Variants in SV2C observed in about 807,000 individuals in gnomAD.
SV2C encodes the protein solute carrier family 22 member B3.
A neutral mutation model predicts 79.7 loss-of-function variants in SV2C; 49 were observed. The observed-to-expected ratio is 0.61, with a 90% CI of 0.49 to 0.78. The LOEUF (loss-of-function observed/expected upper bound fraction) is 0.78. SV2C is among the 30% of genes least tolerant of loss of function. The pLI is 0.00. For synonymous variants in SV2C, 334 were observed against 333.2 expected, an observed-to-expected ratio of 1.00 and a Z score of -0.03; for missense variants, 833 against 912.9, an observed-to-expected ratio of 0.91 and a Z score of 1.13.
At chr5:76,281,355 T>C (rs1747188371) in intron 4 of SV2C, 1 of 342,858 alleles carries the variant, frequency 2.9e-6, no homozygotes, top group South Asian at 2.6e-5. Flanking sequence ...ACTTTGTTTA[T>C]TGTCTATATG....
At chr5:76,227,830 G>A (rs981861171) in intron 4 of SV2C, among the ~76,000 whole-genome samples, 1 of 152,188 alleles carries the variant, frequency 6.6e-6, no homozygotes, top group African/African-American at 2.4e-5. Flanking sequence ...TTTCCAGAAT[G>A]GGTTACCACG....
At chr5:76,038,883 C>G in the SV2C span, among the ~76,000 whole-genome samples, 1 of 152,218 alleles carries the variant, frequency 6.6e-6, no homozygotes, top group East Asian at 1.9e-4. Context: ...CAATATGCAC[C>G]TTTACTTTGT....
At chr5:76,256,510 A>G (rs1746270830) in intron 4 of SV2C, among the ~76,000 whole-genome samples, 1 of 152,206 alleles carries the variant, frequency 6.6e-6, no homozygotes, top group Admixed American at 6.5e-5. Context: ...AGAACACCCT[A>G]GAATGAAGCA....
chr5:76,261,164 T>C lies in SV2C; in HGVS notation c.914-23998T>C, dbSNP rs1397248108. ...CCTTGAAGAGATCCTTCATGTCCCT[T>C]GTAAGTTGTATTCCTAGGTATTTTA... On this transcript the variant is annotated intron_variant, in intron 4 of 12. Coordinates refer to ENST00000502798, the MANE Select transcript of SV2C (RefSeq NM_014979.4). 5.3e-5 allele frequency among the ~76,000 whole-genome samples: 8 copies of C among 152,260 alleles called. No homozygotes were observed. The East Asian group carries it at 1.5e-3, about 29-fold the overall frequency.
At chr5:76,029,385 T>C in the SV2C span, among the ~76,000 whole-genome samples, 1 of 152,102 alleles carries the variant, frequency 6.6e-6, no homozygotes, top group African/African-American at 2.4e-5. Flanking sequence ...CCCCCTAACC[T>C]CTCTGTTCTT....
chr5:76,279,738 C>T (rs1462819588), intron 4 of SV2C, among the ~76,000 whole-genome samples: 1 of 152,118 alleles, frequency 6.6e-6, no homozygotes, highest in African/African-American at 2.4e-5. Flanking sequence ...AATAGCAGTG[C>T]AGCTGGAGAA....
chr5:76,036,662 C>T, the SV2C span, among the ~76,000 whole-genome samples: 2 of 152,196 alleles, frequency 1.3e-5, no homozygotes, highest in African/African-American at 4.8e-5. Context: ...ACCTTTGTCT[C>T]TGGCTGCCTT....
the SV2C span, chr5:75,920,643 G>A: frequency 1.7e-4 from 108 of 627,386 alleles, no homozygotes; most frequent in Admixed American, 7.4e-4. Context: ...TGGGTGGTGG[G>A]GGGTGGGTGG....
intron 1 of SV2C, among the ~76,000 whole-genome samples, chr5:76,099,665 C>T (rs992884156): frequency 1.3e-5 from 2 of 152,178 alleles, no homozygotes; most frequent in Non-Finnish European, 2.9e-5. Context: ...ATAACATCTT[C>T]TCAGGCTAAC....
intron 2 of SV2C, among the ~76,000 whole-genome samples, chr5:76,136,390 A>G (rs1196314291): frequency 6.6e-6 from 1 of 152,242 alleles, no homozygotes; most frequent in Non-Finnish European, 1.5e-5. Context: ...TTAATTGAGT[A>G]CCAACTCTGA....
intron 4 of SV2C, among the ~76,000 whole-genome samples, chr5:76,234,687 T>C (rs1053907813): frequency 3.3e-5 from 5 of 152,222 alleles, no homozygotes; most frequent in African/African-American, 9.6e-5. Flanking sequence ...TTATAAATCA[T>C]GGTTTCATTT....
At chr5:76,108,191 C>A (rs912571386) in intron 1 of SV2C, among the ~76,000 whole-genome samples, 4 of 152,230 alleles carry the variant, frequency 2.6e-5, no homozygotes, top group South Asian at 2.1e-4. Context: ...AATATGAAAG[C>A]AACTTAAGGA....
intron 2 of SV2C, among the ~76,000 whole-genome samples, chr5:76,184,361 C>T (rs1743843873): frequency 6.6e-6 from 1 of 152,172 alleles, no homozygotes; most frequent in African/African-American, 2.4e-5. Flanking sequence ...AGCAGGAGCT[C>T]AAGCAAGAGC....
At chr5:76,120,592 C>T (rs1169644478) in intron 1 of SV2C, among the ~76,000 whole-genome samples, 2 of 140,836 alleles carry the variant, frequency 1.4e-5, no homozygotes, top group Non-Finnish European at 3.0e-5. Context: ...TGTTCAATTC[C>T]CATCTATGAG....
At chr5:75,881,174 A>C in the SV2C span, among the ~76,000 whole-genome samples, 1 of 152,100 alleles carries the variant, frequency 6.6e-6, no homozygotes, top group Admixed American at 6.6e-5. Flanking sequence ...CATATCCAAA[A>C]CTGGGGATTA....
At chr5:76,273,170 T>TATATATATATATATATAC (rs144534109) in intron 4 of SV2C, among the ~76,000 whole-genome samples, 7 of 121,996 alleles carry the variant, frequency 5.7e-5, no homozygotes, top group African/African-American at 2.2e-4. Context: ...TATATATATA[T>TATATATATATATATATAC]ACACACATAT....
chr5:76,252,680 T>C (rs970059883), intron 4 of SV2C, among the ~76,000 whole-genome samples: 1 of 152,266 alleles, frequency 6.6e-6, no homozygotes, highest in Non-Finnish European at 1.5e-5. Context: ...CGAATATTTT[T>C]CTTTTAACAA....
chr5:76,055,982 C>T, the SV2C span, among the ~76,000 whole-genome samples: 150 of 152,048 alleles, frequency 9.9e-4, 1 homozygote, highest in African/African-American at 3.2e-3. Flanking sequence ...ATTTGAATAT[C>T]CTGTATTTCT....
chr5:76,115,964 G>A (rs1252590984), intron 1 of SV2C, among the ~76,000 whole-genome samples: 2 of 152,166 alleles, frequency 1.3e-5, no homozygotes, highest in Non-Finnish European at 1.5e-5. Context: ...CTGAGCCTCT[G>A]GGGAGCAGCA....
Sources: allele counts gnomAD v4.1 joint callset (sites outside exome capture counted in the v4.1 genomes callset), GRCh38; gene constraint gnomAD v4.1.1; transcripts MANE v1.5; gene names NCBI Gene and HGNC (gene_info 2026-07-23, HGNC 2026-07-21).